Variants in SPATA33 observed in about 807,000 individuals in gnomAD.
The protein encoded by SPATA33 is spermatogenesis-associated protein 33.
In SPATA33, 10 loss-of-function variants were observed where a neutral mutation model predicts 8.9. The ratio of observed to expected loss-of-function variants is 1.12; its 90% CI spans 0.69 to 1.90. The LOEUF (loss-of-function observed/expected upper bound fraction) is 1.90. SPATA33 is among the 40% of genes most tolerant of loss of function. The probability of loss-of-function intolerance (pLI) is 0.00; values close to 1 mark genes in which losing one functional copy is unlikely to be tolerated. For missense variants in SPATA33, 241 were observed against 178.3 expected (o/e 1.35, Z -2.00); for synonymous variants, 96 against 72.8 (o/e 1.32, Z -1.63).
chr16:89,666,260 G>A (rs8062346), intron 2 of SPATA33, among the ~76,000 whole-genome samples: 19,986 of 152,046 alleles, frequency 0.13, 1,620 homozygotes, highest in East Asian at 0.28. Flanking sequence ...AGTGAGGTCC[G>A]AGGATCACTT....
chr16:89,657,931 A>G lies in SPATA33; in HGVS notation c.20A>G (p.Lys7Arg), dbSNP rs915181196. ...TCACCCATGGGCCTTTCCAAAAGCA[A>G]AGAGAAACCCAGGAAAGGTAAAGGA... MGLSKS[K>R]EKPRKGEEQK... Residue 7 changes from lysine to arginine, a missense_variant, in exon 1 of 3, where the codon AAA becomes AGA. Transcript: ENST00000579310. 3 of 1,518,296 alleles carry G rather than the reference A, an allele frequency of 2.0e-6. No individual in the cohort carries two copies. Among genetic ancestry groups the G allele is most frequent in the South Asian group, 1.2e-5 (1 of 82,188 alleles). 94.1% of individuals were successfully genotyped at this position (1,518,296 alleles called of 1,614,324 possible).
Position 89,669,619 on chromosome 16 carries a change from C to A in SPATA33, c.*122C>A. On this transcript the variant is annotated 3_prime_UTR_variant, in exon 3 of 3. Transcript: ENST00000579310. ...TCTCGGGGAGGTTGCACCAGGCCCA[C>A]CCCACCCTGTGAGAAACTGCAGCCC... is the stretch of plus-strand genomic sequence containing the variant. 1.1e-6 allele frequency: 1 copy of A among 951,276 alleles called. No individual in the cohort carries two copies. Among genetic ancestry groups the A allele is most frequent in the Non-Finnish European group, 1.5e-6 (1 of 645,648 alleles). The allele number at this position is 951,276 out of a possible 1,614,324, so 58.9% of individuals were successfully genotyped here.
At chr16:89,667,821 T>A (rs2060046604) in intron 2 of SPATA33, among the ~76,000 whole-genome samples, 1 of 152,094 alleles carries the variant, frequency 6.6e-6, no homozygotes, top group Admixed American at 6.6e-5. Flanking sequence ...ACTTGGCCTC[T>A]CTGCCTCCCC....
intron 2 of SPATA33, among the ~76,000 whole-genome samples, chr16:89,668,704 A>G (rs1042904127): frequency 1.3e-5 from 2 of 151,972 alleles, no homozygotes; most frequent in African/African-American, 4.8e-5. Flanking sequence ...TAGCAGTGGC[A>G]CTCCAGGAAG....
chr16:89,661,203 G>A lies in SPATA33; in HGVS notation c.211+2782G>A, dbSNP rs2059961996. The A allele has an allele frequency of 6.1e-6, 6 of 985,328 alleles. No individual in the cohort carries two copies. The South Asian group carries it at 1.9e-4, about 31-fold the overall frequency. 61.0% of individuals were successfully genotyped at this position (985,328 alleles called of 1,614,324 possible). On this transcript the variant is annotated intron_variant, in intron 2 of 2. Transcript: ENST00000579310. ...AGTTAATCACTGTGGCAGCTGTTAG[G>A]ATATTGATGTGGCTTGGCTGTGTCC...
intron 2 of SPATA33, among the ~76,000 whole-genome samples, chr16:89,666,490 G>A (rs749502725): frequency 1.1e-4 from 17 of 152,136 alleles, no homozygotes; most frequent in East Asian, 1.9e-4. Context: ...TGGCAAAACC[G>A]TGTCTCTACA....
At position 89,669,555 on chromosome 16, in the gene SPATA33, G is replaced by C. The variant is rs748607343; in HGVS notation, c.*58G>C. 4 of 1,557,892 alleles carry C rather than the reference G, an allele frequency of 2.6e-6. No individual in the cohort carries two copies. In the East Asian group the frequency reaches 9.1e-5, roughly 35 times the overall value. On this transcript the variant is annotated 3_prime_UTR_variant, in exon 3 of 3. Transcript: ENST00000579310. ...TGCGATAGGCGTCTCGGGAACAGCCGCCTCACCCTGTGAGAAGCCGAGGCC... is the reference window on the plus strand; with the variant it reads ...TGCGATAGGCGTCTCGGGAACAGCCCCCTCACCCTGTGAGAAGCCGAGGCC...
chr16:89,665,940 C>T (rs868359163), intron 2 of SPATA33, among the ~76,000 whole-genome samples: 6 of 151,918 alleles, frequency 3.9e-5, no homozygotes, highest in Non-Finnish European at 8.8e-5. Context: ...ATTAGCTAGG[C>T]GTGGTGATGG....
chr16:89,668,268 C>G (rs2060052501), intron 2 of SPATA33, among the ~76,000 whole-genome samples: 1 of 152,214 alleles, frequency 6.6e-6, no homozygotes, highest in African/African-American at 2.4e-5. Context: ...GCCGAGATCA[C>G]ACCACTGCAC....
chr16:89,658,420 A>G lies in SPATA33; in HGVS notation c.210A>G (p.Glu70=), dbSNP rs1417788929. ...ACCCGCCGCCGGCAGCTTCGCTGGA[A>G]GGTAGGAGACGGCGGGAGGGAGCGA... ...AKHPPPAASL[E]EKPDVKQKSS... Residue 70 remains glutamate, a splice_region_variant and synonymous_variant, in exon 2 of 3, where the codon GAA becomes GAG. Transcript: ENST00000579310. 6.2e-7 allele frequency: 1 copy of G among 1,605,626 alleles called. No individual in the cohort carries two copies. The highest frequency in any genetic ancestry group is 1.3e-5 in the African/African-American group (1 of 74,804).
Position 89,657,915 on chromosome 16 carries a change from G to GA in SPATA33, c.4_5insA (p.Gly2GlufsTer13). The GA allele has an allele frequency of 6.6e-7, 1 of 1,519,632 alleles. No individual in the cohort carries two copies. Among genetic ancestry groups the GA allele is most frequent in the Non-Finnish European group, 8.8e-7 (1 of 1,140,660 alleles). 94.1% of individuals were successfully genotyped at this position (1,519,632 alleles called of 1,614,324 possible). ...GGAGGGGGCGGTGGGCTCACCCATG[G>GA]GCCTTTCCAAAAGCAAAGAGAAACC... On this transcript the variant is annotated frameshift_variant, in exon 1 of 3. Transcript: ENST00000579310. LOFTEE classifies it high-confidence loss of function.
upstream of SPATA33, chr16:89,657,828 G>A (rs756742875): frequency 2.7e-5 from 41 of 1,511,806 alleles, 1 homozygote; most frequent in Middle Eastern, 5.9e-4. Flanking sequence ...CTGGCGCGAG[G>A]ACCTTTTGTG....
At chr16:89,664,322 G>A (rs1464962756) in intron 2 of SPATA33, among the ~76,000 whole-genome samples, 2 of 147,078 alleles carry the variant, frequency 1.4e-5, no homozygotes, top group Admixed American at 1.4e-4. Context: ...CATCTTCCTG[G>A]AAGGCGGTTT....
intron 2 of SPATA33, chr16:89,661,030 C>G (rs758221103): frequency 3.5e-5 from 35 of 989,354 alleles, no homozygotes; most frequent in Non-Finnish European, 3.8e-5. Flanking sequence ...GACAACCACA[C>G]GTGATACCTG....
In SPATA33 at chr16:89,669,421, C is replaced by A. The variant is rs151036541; in HGVS notation, c.347C>A (p.Pro116Gln). ...GSDQQRTIRE[P>Q]EDWGPYRRHR... ...GACCAGCAGAGAACCATTCGGGAGC[C>A]GGAGGACTGGGGCCCCTACCGGCGG... The change falls in exon 3 of 3, where the codon CCG (proline) becomes CAG (glutamine). Residue 116 changes from proline (P) to glutamine (Q), a missense_variant. Transcript: ENST00000579310. 1.2e-6 allele frequency: 2 copies of A among 1,614,068 alleles called. No homozygotes were observed. Among genetic ancestry groups the A allele is most frequent in the Non-Finnish European group, 8.5e-7 (1 of 1,180,024 alleles).
chr16:89,668,049 C>A (rs13335420), intron 2 of SPATA33: 2,109 of 152,466 alleles, frequency 0.014, 14 homozygotes, highest in Non-Finnish European at 0.022. Context: ...CATTGGCTCA[C>A]GCCTGTAATC....
chr16:89,667,788 G>C (rs145433462), intron 2 of SPATA33, among the ~76,000 whole-genome samples: 1 of 151,958 alleles, frequency 6.6e-6, no homozygotes, highest in Admixed American at 6.6e-5. Context: ...TGAATACCCC[G>C]TCTGACTAGC....
Position 89,658,261 on chromosome 16 carries a change from G to A in SPATA33, c.51G>A (p.Lys17=). The change falls in exon 2 of 3, where the codon AAG becomes AAA. Residue 17 remains lysine (K), a synonymous_variant. Coordinates refer to ENST00000579310, the MANE Select transcript of SPATA33 (RefSeq NM_001271907.2). ...KEKPRKGEEQ[K]KGSTYSVPKS... ...CATATATTTCAGGTGAGGAGCAAAA[G>A]AAGGGATCCACCTATTCAGTTCCAA... is the stretch of plus-strand genomic sequence containing the variant. 6.2e-7 allele frequency: 1 copy of A among 1,614,194 alleles called. No individual in the cohort carries two copies. Among genetic ancestry groups the A allele is most frequent in the Non-Finnish European group, 8.5e-7 (1 of 1,180,024 alleles).
At chr16:89,665,462 G>A (rs1262318734) in intron 2 of SPATA33, among the ~76,000 whole-genome samples, 4 of 149,472 alleles carry the variant, frequency 2.7e-5, no homozygotes, top group East Asian at 1.9e-4. Flanking sequence ...CTGCCACCAC[G>A]CCTGGCTAAT....
Sources: allele counts gnomAD v4.1 joint callset (sites outside exome capture counted in the v4.1 genomes callset), GRCh38; gene constraint gnomAD v4.1.1; transcripts MANE v1.5; gene names NCBI Gene and HGNC (gene_info 2026-07-23, HGNC 2026-07-21).